DPH6: variants seen among roughly 807,000 people sequenced by gnomAD.
The protein encoded by DPH6 is diphthine--ammonia ligase.
DPH6 carries 33 observed loss-of-function variants against 38.2 expected under a neutral mutation model. The observed-to-expected ratio is 0.86, with a 90% CI of 0.65 to 1.15. The LOEUF (loss-of-function observed/expected upper bound fraction) is 1.15. Among genes scored for constraint, DPH6 ranks in the 50% most tolerant of loss-of-function variants. The pLI is 0.00. For synonymous variants in DPH6, 108 were observed against 103.0 expected (o/e 1.05, Z -0.30); for missense variants, 325 against 320.0 (o/e 1.02, Z -0.12).
the DPH6 span, among the ~76,000 whole-genome samples, chr15:35,192,600 A>G: frequency 5.2e-3 from 786 of 152,292 alleles, 5 homozygotes; most frequent in Non-Finnish European, 8.9e-3. Context: ...TTTGGGATTA[A>G]GCTTGAGTAT....
chr15:35,379,153 C>T (rs747699203), intron 7 of DPH6, among the ~76,000 whole-genome samples: 4 of 152,182 alleles, frequency 2.6e-5, no homozygotes, highest in Non-Finnish European at 4.4e-5. Flanking sequence ...TTCTCTGACT[C>T]GGACCCTTCT....
intron 5 of DPH6, among the ~76,000 whole-genome samples, chr15:35,433,415 C>T (rs1650226436): frequency 6.6e-6 from 1 of 152,122 alleles, no homozygotes; most frequent in Non-Finnish European, 1.5e-5. Context: ...AGACTCCAGG[C>T]CTTAAAATTC....
At chr15:35,232,014 T>G (rs1287666673) in intron 3 of DPH6, among the ~76,000 whole-genome samples, 1 of 152,108 alleles carries the variant, frequency 6.6e-6, no homozygotes, top group Non-Finnish European at 1.5e-5. Context: ...CAACTTGAAA[T>G]TTTGGGGAAC....
At chr15:35,484,390 A>G (rs1292685207) in intron 3 of DPH6, among the ~76,000 whole-genome samples, 1 of 152,216 alleles carries the variant, frequency 6.6e-6, no homozygotes, top group Non-Finnish European at 1.5e-5. Flanking sequence ...CAAGACTCTC[A>G]TGAAGTTGCA....
the DPH6 span, among the ~76,000 whole-genome samples, chr15:35,145,296 T>C: frequency 6.6e-6 from 1 of 152,376 alleles, no homozygotes; most frequent in Admixed American, 6.5e-5. Flanking sequence ...ATAACATAGA[T>C]GTGCTATCTT....
intron 3 of DPH6, among the ~76,000 whole-genome samples, chr15:35,292,080 GAGA>G (rs371892992): frequency 4.6e-5 from 7 of 152,116 alleles, no homozygotes; most frequent in Admixed American, 2.6e-4. Context: ...GCCCTAAAAG[GAGA>G]AGTAGTGTAA....
chr15:35,362,043 G>A (rs959831309), intron 3 of DPH6, among the ~76,000 whole-genome samples: 3 of 152,082 alleles, frequency 2.0e-5, no homozygotes, highest in African/African-American at 4.8e-5. Context: ...ATTTGAAAAA[G>A]CAAATGTCTC....
intron 3 of DPH6, chr15:35,522,187 A>G: frequency 1.2e-6 from 2 of 1,613,418 alleles, no homozygotes; most frequent in Non-Finnish European, 1.7e-6. Context: ...AGTCCTGTAA[A>G]CAATCGCCTG....
At chr15:35,311,829 T>C (rs2052144019) in intron 3 of DPH6, among the ~76,000 whole-genome samples, 1 of 152,122 alleles carries the variant, frequency 6.6e-6, no homozygotes, top group African/African-American at 2.4e-5. Flanking sequence ...GATATCCAAA[T>C]TGAGACCGGA....
At chr15:35,367,874 T>A (rs368684441), downstream of DPH6, among the ~76,000 whole-genome samples, 1 of 151,616 alleles carries the variant, frequency 6.6e-6, no homozygotes, top group East Asian at 1.9e-4. Flanking sequence ...GAAAAAAAAA[T>A]AGAACTCATT....
the DPH6 span, among the ~76,000 whole-genome samples, chr15:35,161,730 CT>C: frequency 3.9e-5 from 6 of 152,008 alleles, no homozygotes; most frequent in East Asian, 1.2e-3. Flanking sequence ...CACTCTTTCT[CT>C]CTCTGCCATG....
At chr15:35,545,396 T>C (rs2055330977) in intron 1 of DPH6, among the ~76,000 whole-genome samples, 1 of 152,212 alleles carries the variant, frequency 6.6e-6, no homozygotes, top group African/African-American at 2.4e-5. Flanking sequence ...AAACTCCTTT[T>C]GGAATACGGA....
intron 3 of DPH6, among the ~76,000 whole-genome samples, chr15:35,257,442 T>C (rs918320507): frequency 6.6e-6 from 1 of 152,168 alleles, no homozygotes; most frequent in Admixed American, 6.5e-5. Flanking sequence ...AAAAGGTTGT[T>C]GATTGGAGTG....
intron 4 of DPH6, among the ~76,000 whole-genome samples, chr15:35,454,145 TC>T (rs1595379233): frequency 6.6e-6 from 1 of 152,264 alleles, no homozygotes; most frequent in East Asian, 1.9e-4. Context: ...TTTGAATAGA[TC>T]AATAGAATTG....
At chr15:35,292,564 G>A (rs543020120) in intron 3 of DPH6, among the ~76,000 whole-genome samples, 6 of 152,006 alleles carry the variant, frequency 3.9e-5, no homozygotes, top group Non-Finnish European at 8.8e-5. Flanking sequence ...TTCGGCTGCT[G>A]GCCTTCATGA....
intron 3 of DPH6, among the ~76,000 whole-genome samples, chr15:35,273,891 G>T (rs113346115): frequency 0.03 from 4,624 of 152,208 alleles, 202 homozygotes; most frequent in African/African-American, 0.1. Context: ...CTTTGCAGAA[G>T]TAGAAAAAAA....
chr15:35,199,960 G>C, the DPH6 span, among the ~76,000 whole-genome samples: 13 of 152,230 alleles, frequency 8.5e-5, no homozygotes, highest in Middle Eastern at 3.4e-3. Context: ...GGCTCTCTAA[G>C]AATTAAAAGT....
chr15:35,283,863 C>A (rs911566722), intron 3 of DPH6, among the ~76,000 whole-genome samples: 2 of 151,842 alleles, frequency 1.3e-5, no homozygotes, highest in African/African-American at 4.8e-5. Flanking sequence ...AGATAAAAGC[C>A]ATAACAATAT....
chr15:35,470,180 G>C (rs1305770922), intron 3 of DPH6, among the ~76,000 whole-genome samples: 1 of 152,066 alleles, frequency 6.6e-6, no homozygotes, highest in African/African-American at 2.4e-5. Context: ...GCCTGGGTGA[G>C]AGAGCAAGAC....
Sources: gnomAD v4.1 joint callset for allele counts (sites outside exome capture counted in the v4.1 genomes callset) on GRCh38, gnomAD v4.1.1 for gene constraint, MANE v1.5 for transcripts, NCBI Gene and HGNC (gene_info 2026-07-23, HGNC 2026-07-21) for gene names.